Variants in KDM4C observed in about 807,000 individuals in gnomAD.
The protein encoded by KDM4C is lysine-specific demethylase 4C.
KDM4C carries 81 observed loss-of-function variants against 129.3 expected under a neutral mutation model. The observed-to-expected ratio is 0.63, with a 90% CI of 0.52 to 0.75. KDM4C has a LOEUF of 0.75. KDM4C is among the 30% of genes least tolerant of loss of function. The probability of loss-of-function intolerance (pLI) is 0.00; values close to 1 mark genes in which losing one functional copy is unlikely to be tolerated. For synonymous variants in KDM4C, 573 were observed against 456.1 expected, an observed-to-expected ratio of 1.26 and a Z score of -3.26; for missense variants, 1,457 against 1,304.0, an observed-to-expected ratio of 1.12 and a Z score of -1.81.
At chr9:7,010,792 C>G (rs1457534996) in intron 12 of KDM4C, among the ~76,000 whole-genome samples, 1 of 152,126 alleles carries the variant, frequency 6.6e-6, no homozygotes, top group Non-Finnish European at 1.5e-5. Context: ...GCCTGTAATT[C>G]CAGCACTTTG....
At chr9:6,909,618 A>G (rs1297277034) in intron 8 of KDM4C, among the ~76,000 whole-genome samples, 1 of 152,232 alleles carries the variant, frequency 6.6e-6, no homozygotes, top group Non-Finnish European at 1.5e-5. Flanking sequence ...TTATGTAAAA[A>G]AAAAATAAAA....
intron 4 of KDM4C, among the ~76,000 whole-genome samples, chr9:6,847,472 C>G (rs1170628001): frequency 1.3e-5 from 2 of 151,876 alleles, no homozygotes; most frequent in African/African-American, 4.8e-5. Flanking sequence ...GATCTCGGCT[C>G]ACTGCAAACA....
intron 15 of KDM4C, among the ~76,000 whole-genome samples, chr9:7,025,814 T>C (rs547119852): frequency 2.4e-4 from 37 of 152,380 alleles, no homozygotes; most frequent in African/African-American, 7.0e-4. Flanking sequence ...TACAGTGTTA[T>C]AATATGCTGC....
chr9:7,069,793 G>T (rs753188759), intron 17 of KDM4C, among the ~76,000 whole-genome samples: 3 of 152,178 alleles, frequency 2.0e-5, no homozygotes, highest in Non-Finnish European at 4.4e-5. Context: ...TAGTAGTAAT[G>T]TATTGTGGTT....
chr9:6,971,370 T>C (rs1199536635), intron 8 of KDM4C, among the ~76,000 whole-genome samples: 2 of 152,232 alleles, frequency 1.3e-5, no homozygotes, highest in South Asian at 4.1e-4. Context: ...TGCCTGTGAA[T>C]ATGAGGAAAT....
intron 4 of KDM4C, chr9:6,835,224 T>C: frequency 1.1e-6 from 1 of 907,534 alleles, no homozygotes; most frequent in Non-Finnish European, 1.9e-6. Flanking sequence ...TCTGCTGCCC[T>C]GAGGCACTCT....
intron 12 of KDM4C, among the ~76,000 whole-genome samples, chr9:6,997,609 C>G (rs570168586): frequency 1.3e-5 from 2 of 152,344 alleles, no homozygotes; most frequent in South Asian, 4.1e-4. Flanking sequence ...TGAACACCCA[C>G]TGAATAAAAG....
intron 12 of KDM4C, among the ~76,000 whole-genome samples, chr9:7,003,359 CTT>C (rs2132054325): frequency 6.6e-6 from 1 of 151,528 alleles, no homozygotes; most frequent in South Asian, 2.1e-4. Flanking sequence ...CTGTAAGAAA[CTT>C]CAGCCACGCT....
chr9:6,981,570 C>T (rs1361338846), intron 9 of KDM4C, among the ~76,000 whole-genome samples: 2 of 152,214 alleles, frequency 1.3e-5, no homozygotes, highest in East Asian at 1.9e-4. Flanking sequence ...ATTTTATGCA[C>T]ATGGTTTTAT....
At chr9:7,060,013 C>G (rs1831393879) in intron 17 of KDM4C, among the ~76,000 whole-genome samples, 1 of 152,088 alleles carries the variant, frequency 6.6e-6, no homozygotes, top group African/African-American at 2.4e-5. Context: ...TTGAAAACCA[C>G]TGGAATAGAG....
chr9:6,906,999 C>G (rs555660155), intron 8 of KDM4C, among the ~76,000 whole-genome samples: 1 of 152,108 alleles, frequency 6.6e-6, no homozygotes, highest in African/African-American at 2.4e-5. Context: ...ATTCTCGTAA[C>G]CAGTTTTAAA....
At chr9:6,978,137 C>G (rs1833240348) in intron 8 of KDM4C, among the ~76,000 whole-genome samples, 1 of 152,152 alleles carries the variant, frequency 6.6e-6, no homozygotes, top group East Asian at 1.9e-4. Flanking sequence ...CACTGTTACT[C>G]TCAGTTTTTC....
intron 8 of KDM4C, 134 bp downstream of exon 8, chr9:6,893,366 C>T (rs1846378758): frequency 1.8e-5 from 10 of 569,334 alleles, no homozygotes; most frequent in Non-Finnish European, 2.9e-5. Flanking sequence ...CAGCAATTCA[C>T]TTCAGGCTCG....
chr9:6,865,139 G>C (rs1474242903), intron 5 of KDM4C, among the ~76,000 whole-genome samples: 1 of 151,488 alleles, frequency 6.6e-6, no homozygotes, highest in Non-Finnish European at 1.5e-5. Context: ...CTCCCGAGTA[G>C]CTGGGACTGC....
intron 8 of KDM4C, chr9:6,902,700 A>C (rs1205161630): frequency 6.6e-6 from 1 of 152,186 alleles, no homozygotes; most frequent in Non-Finnish European, 1.5e-5. Flanking sequence ...AGACTGGTGG[A>C]GTTCAGGCCT....
intron 3 of KDM4C, among the ~76,000 whole-genome samples, chr9:6,813,462 G>A (rs572113654): frequency 1.2e-4 from 18 of 152,094 alleles, no homozygotes; most frequent in Non-Finnish European, 2.2e-4. Context: ...CCATTATTTG[G>A]TATTCTTGTT....
upstream of KDM4C, among the ~76,000 whole-genome samples, chr9:6,754,814 G>C (rs1384740399): frequency 6.9e-6 from 1 of 144,072 alleles, no homozygotes; most frequent in African/African-American, 2.6e-5. Flanking sequence ...AGTGGAGGCT[G>C]TATTGAGCCG....
chr9:6,943,448 C>A (rs1392340218), intron 8 of KDM4C, among the ~76,000 whole-genome samples: 1 of 152,106 alleles, frequency 6.6e-6, no homozygotes, highest in African/African-American at 2.4e-5. Context: ...GTGGCTCTTG[C>A]CTGTAATCCT....
intron 5 of KDM4C, among the ~76,000 whole-genome samples, chr9:6,853,349 G>A (rs1398606382): frequency 5.3e-5 from 8 of 152,146 alleles, no homozygotes; most frequent in South Asian, 4.2e-4. Flanking sequence ...AAAATTAGCC[G>A]GTCATAGTGG....
Sources: allele counts gnomAD v4.1 joint callset (sites outside exome capture counted in the v4.1 genomes callset), GRCh38; gene constraint gnomAD v4.1.1; transcripts MANE v1.5; gene names NCBI Gene and HGNC (gene_info 2026-07-23, HGNC 2026-07-21).